ZBTB38: variants seen among roughly 807,000 people sequenced by gnomAD.
The protein encoded by ZBTB38 is zinc finger and BTB domain-containing protein 38.
Under a neutral mutation model 76.8 loss-of-function variants are expected in ZBTB38, and 20 were observed. The observed-to-expected ratio is 0.26, with a 90% CI of 0.18 to 0.38. ZBTB38 has a LOEUF of 0.38. Among genes scored for constraint, ZBTB38 ranks in the 10% least tolerant of loss-of-function variants. ZBTB38 has a pLI of 1.00. For missense variants in ZBTB38, 1,082 were observed against 1,482.3 expected (o/e 0.73, Z 4.43); for synonymous variants, 504 against 544.2 (o/e 0.93, Z 1.03).
Position 141,443,245 on chromosome 3 carries a change from C to T in ZBTB38, c.857C>T (p.Pro286Leu), listed in dbSNP as rs1286862438. The change falls in exon 6 of 6, where the codon CCA becomes CTA. Residue 286 changes from proline to leucine, a missense_variant. Physicochemically the swap from Pro to Leu is moderately conservative, Grantham distance 98 (BLOSUM62 -3). Transcript: ENST00000321464. The surrounding 1 kb of genome is among the most constrained non-coding windows in gnomAD (Gnocchi z 5.6). The part of the protein sequence containing the change: ...DSATENIPPP[P>L]VSNLEVNQER... ...GCCACAGAAAATATACCACCCCCTC[C>T]AGTATCCAACTTAGAGGTTAATCAA... 1 of 1,614,268 alleles carries T rather than the reference C, an allele frequency of 6.2e-7. No individual in the cohort carries two copies. Among genetic ancestry groups the T allele is most frequent in the Admixed American group, 1.7e-5 (1 of 60,032 alleles).
chr3:141,368,613 T>C lies in ZBTB38; in HGVS notation c.-501T>C, dbSNP rs911594505. ...ACACCTTTTATTTCTTTTCTTCTTT[T>C]TTTTAAGCCTCACGAAAGATTTTAC... On this transcript the variant is annotated 5_prime_UTR_variant, in exon 1 of 6. Coordinates refer to ENST00000321464, the MANE Select transcript of ZBTB38 (RefSeq NM_001376113.1). 5.3e-5 allele frequency: 8 copies of C among 152,240 alleles called. No homozygotes were observed. Among genetic ancestry groups the C allele is most frequent in the African/African-American group, 9.6e-5 (4 of 41,468 alleles). The allele number at this position is 152,240 out of a possible 1,614,324, so 9.4% of individuals were successfully genotyped here.
chr3:141,391,186 T>A (rs1217949217), intron 4 of ZBTB38, among the ~76,000 whole-genome samples: 1 of 151,886 alleles, frequency 6.6e-6, no homozygotes, highest in Non-Finnish European at 1.5e-5. Context: ...TTAAAAAAAA[T>A]AAAATAAGTG....
At chr3:141,338,417 G>A (rs980399577) in intron 1 of ZBTB38, among the ~76,000 whole-genome samples, 2 of 152,190 alleles carry the variant, frequency 1.3e-5, no homozygotes, top group African/African-American at 2.4e-5. Context: ...GTGGTGGACC[G>A]GATAAAGAAA....
At chr3:141,417,874 C>T (rs920759817) in intron 5 of ZBTB38, among the ~76,000 whole-genome samples, 72 of 151,900 alleles carry the variant, frequency 4.7e-4, no homozygotes, top group Non-Finnish European at 6.9e-4. Flanking sequence ...AATTAGCTGG[C>T]GTAGTGGTGC....
chr3:141,386,796 A>C (rs978369627), intron 3 of ZBTB38, 76 bp from the exon 4 acceptor site: 5 of 152,626 alleles, frequency 3.3e-5, no homozygotes, highest in Non-Finnish European at 7.3e-5. Flanking sequence ...TTTGGAGTTT[A>C]CTAAACAGTG....
intron 5 of ZBTB38, among the ~76,000 whole-genome samples, chr3:141,423,365 C>G (rs1054160824): frequency 6.6e-6 from 1 of 152,136 alleles, no homozygotes; most frequent in Admixed American, 6.5e-5. Context: ...GAGTGAAAAG[C>G]AATAGAATGA....
At chr3:141,340,088 T>A (rs1943128147) in intron 1 of ZBTB38, among the ~76,000 whole-genome samples, 1 of 152,182 alleles carries the variant, frequency 6.6e-6, no homozygotes, top group African/African-American at 2.4e-5. Context: ...GTTAAACTTA[T>A]TAAATGTTGG....
chr3:141,331,458 G>C (rs898637047), intron 1 of ZBTB38, among the ~76,000 whole-genome samples: 1 of 152,230 alleles, frequency 6.6e-6, no homozygotes, highest in African/African-American at 2.4e-5. Context: ...CCCCATGGAA[G>C]TCTGTAGCCT....
At chr3:141,406,643 G>T (rs1016033287) in intron 5 of ZBTB38, among the ~76,000 whole-genome samples, 1 of 152,196 alleles carries the variant, frequency 6.6e-6, no homozygotes. Flanking sequence ...TGGGAAAAGA[G>T]ATTTTTGAGA....
chr3:141,348,934 A>G (rs957021109), intron 1 of ZBTB38, among the ~76,000 whole-genome samples: 1 of 152,058 alleles, frequency 6.6e-6, no homozygotes, highest in African/African-American at 2.4e-5. Flanking sequence ...AGGAAGCCAA[A>G]CCTATATTAC....
chr3:141,383,669 G>C (rs920079658), intron 3 of ZBTB38: 1 of 152,186 alleles, frequency 6.6e-6, no homozygotes, highest in Non-Finnish European at 1.5e-5. Context: ...GGACTGCAAA[G>C]AAAATTAGCT....
chr3:141,416,979 A>G (rs1296756080), intron 5 of ZBTB38, among the ~76,000 whole-genome samples: 9 of 152,148 alleles, frequency 5.9e-5, no homozygotes, highest in African/African-American at 2.2e-4. Flanking sequence ...ACCAAGTTTG[A>G]GGTAATTTGT....
At chr3:141,392,961 A>G (rs1375108838) in intron 4 of ZBTB38, 1 of 152,070 alleles carries the variant, frequency 6.6e-6, no homozygotes, top group Non-Finnish European at 1.5e-5. Flanking sequence ...TTGACCAGAA[A>G]ATTGCTCTTT....
chr3:141,384,824 T>C (rs1946705908), intron 3 of ZBTB38: 1 of 152,180 alleles, frequency 6.6e-6, no homozygotes, highest in African/African-American at 2.4e-5. Context: ...TCTGGAGTAG[T>C]TGTGGGAGAG....
intron 1 of ZBTB38, among the ~76,000 whole-genome samples, chr3:141,327,359 T>A (rs920835497): frequency 6.6e-6 from 1 of 152,204 alleles, no homozygotes; most frequent in Non-Finnish European, 1.5e-5. Context: ...ACAGTGATGA[T>A]GTTGATGGTC....
intron 5 of ZBTB38, among the ~76,000 whole-genome samples, chr3:141,414,279 A>G (rs1352423655): frequency 6.6e-6 from 1 of 152,200 alleles, no homozygotes; most frequent in African/African-American, 2.4e-5. Flanking sequence ...TGCAGGCCGA[A>G]TGGAGCCTAT....
intron 5 of ZBTB38, among the ~76,000 whole-genome samples, chr3:141,416,700 G>A (rs1457832570): frequency 6.6e-6 from 1 of 152,196 alleles, no homozygotes; most frequent in Non-Finnish European, 1.5e-5. Flanking sequence ...GAGATGAGAG[G>A]TGGACTCTAA....
intron 5 of ZBTB38, among the ~76,000 whole-genome samples, chr3:141,441,227 G>A (rs2080140156): frequency 6.6e-6 from 1 of 151,972 alleles, no homozygotes; most frequent in Non-Finnish European, 1.5e-5. Context: ...CAGTTAGTAA[G>A]CTTTAGCACA....
At chr3:141,375,402 G>A (rs1328091089) in intron 2 of ZBTB38, among the ~76,000 whole-genome samples, 1 of 152,208 alleles carries the variant, frequency 6.6e-6, no homozygotes, top group African/African-American at 2.4e-5. Flanking sequence ...GCAACGCCCT[G>A]CCTCAGCCAA....
Sources: allele counts gnomAD v4.1 joint callset (sites outside exome capture counted in the v4.1 genomes callset), GRCh38; gene constraint gnomAD v4.1.1; non-coding constraint Gnocchi (gnomAD v3.1); transcripts MANE v1.5; gene names NCBI Gene and HGNC (gene_info 2026-07-23, HGNC 2026-07-21).